Variants in FGF12 observed in about 807,000 individuals in gnomAD.
FGF12 encodes the protein fibroblast growth factor 12B.
A neutral mutation model predicts 23.6 loss-of-function variants in FGF12; 14 were observed. The observed-to-expected ratio is 0.59, with a 90% CI of 0.39 to 0.93. The LOEUF (loss-of-function observed/expected upper bound fraction) is 0.93. Among genes scored for constraint, FGF12 ranks in the 40% least tolerant of loss-of-function variants. The probability of loss-of-function intolerance (pLI) is 0.00; values close to 1 mark genes in which losing one functional copy is unlikely to be tolerated. For missense variants in FGF12, 175 were observed against 217.8 expected (o/e 0.80, Z 1.24); for synonymous variants, 62 against 77.3 (o/e 0.80, Z 1.04).
At chr3:192,510,772 T>C (rs1427627418) in intron 2 of FGF12, among the ~76,000 whole-genome samples, 1 of 152,214 alleles carries the variant, frequency 6.6e-6, no homozygotes, top group Non-Finnish European at 1.5e-5. Context: ...ATCCACGCAA[T>C]GGAATATTAT....
intron 4 of FGF12, among the ~76,000 whole-genome samples, chr3:192,259,469 A>G (rs1263706712): frequency 6.6e-6 from 1 of 152,212 alleles, no homozygotes; most frequent in Non-Finnish European, 1.5e-5. Flanking sequence ...ATGTTATTTA[A>G]AAACTCCAGA....
rs1420350142 is a variant in FGF12 at position 192,304,290 on chromosome 3, A to G, written c.228+31071T>C. Reference sequence around the variant, plus strand: ...GCTAGAGATTATTTCCAAGACATCTACTTCCCCTGTTGGGCACCGAGCGCT... The same window carrying G: ...GCTAGAGATTATTTCCAAGACATCTGCTTCCCCTGTTGGGCACCGAGCGCT... On this transcript the variant is annotated intron_variant, in intron 4 of 5. Transcript: ENST00000445105. Among the ~76,000 whole-genome samples the G allele has an allele frequency of 1.5e-4, 23 of 152,156 alleles. 1 individual carries two copies. Among genetic ancestry groups the G allele is most frequent in the Non-Finnish European group, 2.9e-5 (2 of 68,034 alleles).
intron 4 of FGF12, among the ~76,000 whole-genome samples, chr3:192,230,660 C>T (rs3925222): frequency 1.3e-5 from 2 of 152,042 alleles, no homozygotes; most frequent in Admixed American, 1.3e-4. Flanking sequence ...ACCCACACTT[C>T]ATTTTGATGA....
At chr3:192,630,987 C>T (rs1715372081) in intron 2 of FGF12, among the ~76,000 whole-genome samples, 2 of 152,180 alleles carry the variant, frequency 1.3e-5, no homozygotes, top group South Asian at 2.1e-4. Flanking sequence ...TTCTGGCTTT[C>T]CCCCCAAATT....
chr3:192,373,371 G>A (rs1231471245), intron 2 of FGF12, among the ~76,000 whole-genome samples: 1 of 150,848 alleles, frequency 6.6e-6, no homozygotes, highest in Non-Finnish European at 1.5e-5. Context: ...AGAGTTCCGT[G>A]GCTCCAAGTC....
intron 4 of FGF12, among the ~76,000 whole-genome samples, chr3:192,213,004 A>G (rs1250603233): frequency 6.6e-6 from 1 of 152,214 alleles, no homozygotes; most frequent in Non-Finnish European, 1.5e-5. Flanking sequence ...GTGCAATGGT[A>G]CCAATGGTCT....
chr3:192,437,633 G>A (rs1391010543), intron 2 of FGF12, among the ~76,000 whole-genome samples: 1 of 152,060 alleles, frequency 6.6e-6, no homozygotes, highest in Non-Finnish European at 1.5e-5. Context: ...GGAGGTTGCA[G>A]TGAGCCAAGA....
intron 5 of FGF12, among the ~76,000 whole-genome samples, chr3:192,158,342 CTT>C (rs1199361255): frequency 2.5e-5 from 2 of 79,458 alleles, no homozygotes; most frequent in African/African-American, 6.0e-5. Context: ...CTCTTTCTTT[CTT>C]TCTTTCTTTC....
At chr3:192,313,825 T>C (rs1476104180) in intron 4 of FGF12, among the ~76,000 whole-genome samples, 1 of 152,288 alleles carries the variant, frequency 6.6e-6, no homozygotes, top group East Asian at 1.9e-4. Flanking sequence ...TTATGCACAG[T>C]TAAGTTTTTG....
At position 192,727,366 on chromosome 3, in the gene FGF12, A is replaced by G. The variant is rs374207086; in HGVS notation, c.-130-43T>C. 4.4e-5 allele frequency: 67 copies of G among 1,513,730 alleles called. 3 individuals are homozygous for G. The East Asian group carries it at 5.4e-4, about 12-fold the overall frequency. 93.8% of individuals were successfully genotyped at this position (1,513,730 alleles called of 1,614,324 possible). ...TTAAACCTTGAAGCTGCAATCAGCC[A>G]CCAAAGGACACTTAGGAGCAGCAGC... On this transcript the variant is annotated intron_variant, in intron 1 of 5. Transcript: ENST00000445105.
At chr3:192,717,871 C>T (rs553369878) in intron 2 of FGF12, among the ~76,000 whole-genome samples, 13 of 152,196 alleles carry the variant, frequency 8.5e-5, no homozygotes, top group Admixed American at 2.6e-4. Flanking sequence ...TTTTATTCTT[C>T]GCATAATCAA....
intron 2 of FGF12, among the ~76,000 whole-genome samples, chr3:192,372,035 A>G (rs1376947626): frequency 5.9e-5 from 9 of 152,208 alleles, no homozygotes. Flanking sequence ...CACAAAAAAA[A>G]GTGGCGGGGC....
chr3:192,576,010 A>G (rs1712865653), intron 2 of FGF12, among the ~76,000 whole-genome samples: 1 of 152,178 alleles, frequency 6.6e-6, no homozygotes, highest in Non-Finnish European at 1.5e-5. Context: ...TTGTAATTTC[A>G]CCATCCAAAT....
intron 2 of FGF12, among the ~76,000 whole-genome samples, chr3:192,467,654 G>A (rs1194644932): frequency 1.3e-5 from 2 of 152,194 alleles, no homozygotes; most frequent in Non-Finnish European, 2.9e-5. Context: ...TCTTTTAAAA[G>A]AGGACTACAT....
intron 2 of FGF12, among the ~76,000 whole-genome samples, chr3:192,631,652 C>T (rs1715395679): frequency 6.6e-6 from 1 of 152,204 alleles, no homozygotes; most frequent in South Asian, 2.1e-4. Flanking sequence ...GATTTAACTT[C>T]CTCTCTCCAT....
intron 4 of FGF12, among the ~76,000 whole-genome samples, chr3:192,222,906 T>A (rs914457422): frequency 1.6e-4 from 25 of 152,132 alleles, no homozygotes; most frequent in Non-Finnish European, 3.4e-4. Context: ...GAAATGAGTG[T>A]TGAATTAAGA....
At chr3:192,636,542 ACTT>A (rs1316113860) in intron 2 of FGF12, among the ~76,000 whole-genome samples, 1 of 152,342 alleles carries the variant, frequency 6.6e-6, no homozygotes, top group East Asian at 1.9e-4. Context: ...CTACATCTTT[ACTT>A]CTTTTCTCCT....
chr3:192,362,826 A>G (rs1718794249), intron 2 of FGF12, among the ~76,000 whole-genome samples: 1 of 152,194 alleles, frequency 6.6e-6, no homozygotes, highest in African/African-American at 2.4e-5. Context: ...GCATTCTGAG[A>G]AAAGAGTATG....
chr3:192,721,765 C>T (rs1223349891), intron 2 of FGF12, among the ~76,000 whole-genome samples: 1 of 152,038 alleles, frequency 6.6e-6, no homozygotes, highest in Non-Finnish European at 1.5e-5. Flanking sequence ...GGTGGAATAG[C>T]TTTTATAGTA....
Sources: allele counts gnomAD v4.1 joint callset (sites outside exome capture counted in the v4.1 genomes callset), GRCh38; gene constraint gnomAD v4.1.1; transcripts MANE v1.5; gene names NCBI Gene and HGNC (gene_info 2026-07-23, HGNC 2026-07-21).